SYTL3: variants seen among roughly 807,000 people sequenced by gnomAD.
The protein encoded by SYTL3 is synaptotagmin like 3, also known as synaptotagmin-like protein 3.
SYTL3 carries 88 observed loss-of-function variants against 82.1 expected under a neutral mutation model. That is an observed-to-expected ratio of 1.07 (90% CI 0.90 to 1.28). SYTL3 has a LOEUF of 1.28. Among genes scored for constraint, SYTL3 ranks in the 50% most tolerant of loss-of-function variants. The probability of loss-of-function intolerance (pLI) is 0.00; values close to 1 mark genes in which losing one functional copy is unlikely to be tolerated. For missense variants in SYTL3, 831 were observed against 757.6 expected (o/e 1.10, Z -1.14); for synonymous variants, 311 against 289.4 (o/e 1.07, Z -0.76).
chr6:158,719,977 T>A (rs1783886167), intron 10 of SYTL3, among the ~76,000 whole-genome samples: 1 of 152,068 alleles, frequency 6.6e-6, no homozygotes, highest in Admixed American at 6.5e-5. Context: ...TAATCCCAGC[T>A]ACTAGGGAGA....
chr6:158,740,395 A>G (rs1786782792), intron 11 of SYTL3, among the ~76,000 whole-genome samples: 1 of 152,150 alleles, frequency 6.6e-6, no homozygotes, highest in South Asian at 2.1e-4. Flanking sequence ...CTGGAGAAAT[A>G]TATTCTTTTC....
intron 16 of SYTL3, among the ~76,000 whole-genome samples, chr6:158,763,101 C>T (rs1486560275): frequency 6.6e-6 from 1 of 152,232 alleles, no homozygotes; most frequent in Non-Finnish European, 1.5e-5. Flanking sequence ...CAGCATGCAG[C>T]TCGCCCTTCA....
At position 158,751,915 on chromosome 6, in the gene SYTL3, G is replaced by T. The variant is rs760510921; in HGVS notation, c.1035-13G>T. 1.7e-5 allele frequency: 27 copies of T among 1,592,530 alleles called. No homozygotes were observed. The South Asian group carries it at 3.1e-4, about 18-fold the overall frequency. Reference sequence around the variant, plus strand: ...TGAGTTCTCACTCTGTCCCCGCTGTGTTTGGCCCCTAGGTATGTGAAGACC... The same window carrying T: ...TGAGTTCTCACTCTGTCCCCGCTGTTTTTGGCCCCTAGGTATGTGAAGACC... On this transcript the variant is annotated splice_polypyrimidine_tract_variant and intron_variant, in intron 12 of 17. Coordinates refer to ENST00000611299, the MANE Select transcript of SYTL3 (RefSeq NM_001242394.2).
At chr6:158,702,320 C>G (rs548866745) in intron 6 of SYTL3, among the ~76,000 whole-genome samples, 7 of 134,064 alleles carry the variant, frequency 5.2e-5, no homozygotes, top group Admixed American at 4.8e-4. Flanking sequence ...GAGTGAGACT[C>G]TGTCTCAAAA....
chr6:158,679,408 G>A (rs2128400302), intron 5 of SYTL3, among the ~76,000 whole-genome samples: 1 of 152,116 alleles, frequency 6.6e-6, no homozygotes, highest in African/African-American at 2.4e-5. Context: ...TGCAGACAGG[G>A]AGTCCTTACA....
In SYTL3 at chr6:158,753,458, C is replaced by T. The variant is rs564993813; in HGVS notation, c.1137+1428C>T. 1.4e-3 allele frequency among the ~76,000 whole-genome samples: 206 copies of T among 149,384 alleles called. 1 individual carries two copies. Among genetic ancestry groups the T allele is most frequent in the African/African-American group, 4.7e-3 (193 of 40,900 alleles). ...TAAAATGCAGATTCTGGGCCGGGCG[C>T]GGTGGCTCACGCCTGTAATCCCAGC... On this transcript the variant is annotated intron_variant, in intron 13 of 17. Coordinates refer to ENST00000611299, the MANE Select transcript of SYTL3 (RefSeq NM_001242394.2).
intron 5 of SYTL3, 45 bp downstream of exon 5, chr6:158,665,658 C>CT: frequency 7.0e-7 from 1 of 1,423,494 alleles, no homozygotes; most frequent in Non-Finnish European, 9.5e-7. Flanking sequence ...ATTCAGGTCT[C>CT]GGAGGAGGCC....
At position 158,745,420 on chromosome 6, in the gene SYTL3, G is replaced by C. The variant is rs111460618; in HGVS notation, c.856-60G>C. On this transcript the variant is annotated intron_variant, in intron 11 of 17. Transcript: ENST00000611299. ...TTATTTATGTGCTGTCTTGAAACCA[G>C]AACATCAAAAAAGTGAATTAACTGA... 3.7e-4 allele frequency: 542 copies of C among 1,447,274 alleles called. 3 individuals are homozygous for C. In the African/African-American group the frequency reaches 5.7e-3, roughly 15 times the overall value. 89.7% of individuals were successfully genotyped at this position (1,447,274 alleles called of 1,614,324 possible). A position where few individuals can be genotyped will look rare whatever the true frequency, so the allele number is the denominator to read the frequency against.
chr6:158,672,152 A>G (rs1039828417), intron 5 of SYTL3, among the ~76,000 whole-genome samples: 4 of 152,120 alleles, frequency 2.6e-5, no homozygotes, highest in African/African-American at 9.7e-5. Context: ...TTAGGTGGGC[A>G]TGGTCGTGTG....
At chr6:158,658,343 G>A (rs2128355765) in intron 2 of SYTL3, among the ~76,000 whole-genome samples, 1 of 152,282 alleles carries the variant, frequency 6.6e-6, no homozygotes, top group South Asian at 2.1e-4. Context: ...ATTTGTCGCT[G>A]TGACAATCAT....
At chr6:158,726,375 A>T (rs1260722735) in intron 11 of SYTL3, 1 of 281,210 alleles carries the variant, frequency 3.6e-6, no homozygotes, top group East Asian at 9.6e-5. Context: ...TTTGTGAATT[A>T]TCATTGGCTC....
At chr6:158,753,794 A>G (rs2128532977) in intron 13 of SYTL3, among the ~76,000 whole-genome samples, 1 of 151,964 alleles carries the variant, frequency 6.6e-6, no homozygotes, top group African/African-American at 2.4e-5. Context: ...TAAAATGTAC[A>G]CAGAATCTCA....
At chr6:158,672,847 C>T (rs1777555069) in intron 5 of SYTL3, among the ~76,000 whole-genome samples, 1 of 152,036 alleles carries the variant, frequency 6.6e-6, no homozygotes, top group African/African-American at 2.4e-5. Context: ...GTTGGTCAGG[C>T]TGGTCTCAAA....
At chr6:158,645,870 C>G (rs909370051), upstream of SYTL3, among the ~76,000 whole-genome samples, 5 of 152,138 alleles carry the variant, frequency 3.3e-5, no homozygotes, top group African/African-American at 1.2e-4. Context: ...CATATCTTAG[C>G]TCAAAATCTC....
intron 6 of SYTL3, among the ~76,000 whole-genome samples, chr6:158,701,295 G>GGGTC (rs1583288571): frequency 2.6e-4 from 2 of 7,764 alleles, no homozygotes; most frequent in Admixed American, 7.0e-4. Flanking sequence ...CTGGGGTGTA[G>GGGTC]ATGAAGGAGT....
rs1272901583 is a variant in SYTL3 at position 158,665,613 on chromosome 6, G to C, written c.329G>C (p.Arg110Thr). Residue 110 changes from arginine to threonine, a missense_variant and splice_region_variant, in exon 5 of 18, where the codon AGG becomes ACG. Transcript: ENST00000611299. ...AAGTGCACGGTGTGCTTCGAGGACA[G>C]GTAAGCATGGCCGGTGGTTGGATCC... ...AWKCTVCFED[R>T]NVKIKTGEWF... 6.5e-7 allele frequency: 1 copy of C among 1,547,840 alleles called. No homozygotes were observed. The highest frequency in any genetic ancestry group is 8.8e-7 in the Non-Finnish European group (1 of 1,142,516).
chr6:158,690,632 AT>A lies in SYTL3; in HGVS notation c.394+7644del, dbSNP rs1281664813. ...TAAAACAATTTAAAAACAAGAAAAA[AT>A]GAGCCTCAGTTCTTCATTTTGTAGA... On this transcript the variant is annotated intron_variant, in intron 6 of 17. Coordinates refer to ENST00000611299, the MANE Select transcript of SYTL3 (RefSeq NM_001242394.2). Among the ~76,000 whole-genome samples, 9 of 152,322 alleles carry A rather than the reference AT, an allele frequency of 5.9e-5. No individual in the cohort carries two copies. The South Asian group carries it at 1.9e-3, about 32-fold the overall frequency.
chr6:158,702,252 G>A (rs531380651), intron 6 of SYTL3, among the ~76,000 whole-genome samples: 18 of 151,314 alleles, frequency 1.2e-4, no homozygotes, highest in African/African-American at 4.1e-4. Context: ...CTTGAACCCG[G>A]GAGGCGGAGG....
intron 5 of SYTL3, among the ~76,000 whole-genome samples, chr6:158,680,503 C>T (rs1451525706): frequency 6.8e-6 from 1 of 146,548 alleles, no homozygotes; most frequent in Non-Finnish European, 1.5e-5. Context: ...CTTTGGGAGG[C>T]CAAGGCAGGT....
Sources: allele counts gnomAD v4.1 joint callset (sites outside exome capture counted in the v4.1 genomes callset), GRCh38; gene constraint gnomAD v4.1.1; transcripts MANE v1.5; gene names NCBI Gene and HGNC (gene_info 2026-07-23, HGNC 2026-07-21).